Variants in IQCM observed in about 807,000 individuals in gnomAD.
IQCM encodes the protein IQ domain-containing protein M.
A neutral mutation model predicts 57.6 loss-of-function variants in IQCM; 45 were observed. That is an observed-to-expected ratio of 0.78 (90% CI 0.62 to 1.00). The LOEUF is 1.00. Among genes scored for constraint, IQCM ranks in the 50% least tolerant of loss-of-function variants. The probability of loss-of-function intolerance (pLI) is 0.00; values close to 1 mark genes in which losing one functional copy is unlikely to be tolerated. For missense variants in IQCM, 468 were observed against 511.6 expected (o/e 0.91, Z 0.82); for synonymous variants, 148 against 158.9 (o/e 0.93, Z 0.51).
intron 13 of IQCM, among the ~76,000 whole-genome samples, chr4:149,358,511 G>A (rs1164294038): frequency 4.6e-5 from 7 of 152,140 alleles, no homozygotes; most frequent in East Asian, 1.9e-4. Flanking sequence ...GTACACAGTA[G>A]TCATTCAGGA....
intron 2 of IQCM, among the ~76,000 whole-genome samples, chr4:149,767,695 T>C (rs1770187795): frequency 6.6e-6 from 1 of 152,114 alleles, no homozygotes; most frequent in Non-Finnish European, 1.5e-5. Context: ...AGTTTCAGTA[T>C]GGTAACTGCA....
In IQCM at chr4:149,733,351, A is replaced by G; in HGVS notation, c.278T>C (p.Leu93Pro). 8.1e-7 allele frequency: 1 copy of G among 1,231,720 alleles called. No homozygotes were observed. Among genetic ancestry groups the G allele is most frequent in the Non-Finnish European group, 1.0e-6 (1 of 987,756 alleles). The allele number at this position is 1,231,720 out of a possible 1,614,324, so 76.3% of individuals were successfully genotyped here. A position where few individuals can be genotyped will look rare whatever the true frequency, so the allele number is the denominator to read the frequency against. ...TTCCTGAAGATGCTCGCTTTTGGAA[A>G]GCTCCTTGGGAAAGCAAATCCTTCT... ...ALRRICFPKELSKSEHLQEPP... is the reference protein window; with the variant it reads ...ALRRICFPKEPSKSEHLQEPP... The change falls in exon 5 of 14, where the codon CTT becomes CCT. Residue 93 changes from leucine to proline, a missense_variant. Transcript: ENST00000636793.
At chr4:149,509,796 A>G (rs765983253) in intron 12 of IQCM, among the ~76,000 whole-genome samples, 6 of 152,046 alleles carry the variant, frequency 3.9e-5, no homozygotes, top group Non-Finnish European at 1.5e-5. Context: ...ATTTGGTAAA[A>G]TACTCTGGAA....
At position 149,405,828 on chromosome 4, in the gene IQCM, C is replaced by CATATAT. The variant is rs55914421; in HGVS notation, c.1390+27562_1390+27567dup. Among the ~76,000 whole-genome samples, 339 of 135,384 alleles carry CATATAT rather than the reference C, an allele frequency of 2.5e-3. 1 individual carries two copies. Among genetic ancestry groups the CATATAT allele is most frequent in the East Asian group, 7.2e-3 (33 of 4,606 alleles). 88.8% of individuals were successfully genotyped at this position (135,384 alleles called of 152,430 possible). ...TTTTAAATTTTCACCTCCTAAGGAG[C>CATATAT]ATATATATATATATATATATATGCT... On this transcript the variant is annotated intron_variant, in intron 13 of 13. Coordinates refer to ENST00000636793, the MANE Select transcript of IQCM (RefSeq NM_001363507.2).
At chr4:149,449,139 A>C (rs1046105225) in intron 12 of IQCM, among the ~76,000 whole-genome samples, 1 of 150,748 alleles carries the variant, frequency 6.6e-6, no homozygotes, top group Non-Finnish European at 1.5e-5. Flanking sequence ...AGGTAGAGAA[A>C]GTTGGTGCAA....
chr4:149,375,171 A>G (rs1730627954), intron 13 of IQCM, among the ~76,000 whole-genome samples: 1 of 152,182 alleles, frequency 6.6e-6, no homozygotes, highest in Non-Finnish European at 1.5e-5. Context: ...AATACCATAC[A>G]TATTTATATG....
At chr4:149,551,553 G>A (rs1391432959) in intron 11 of IQCM, among the ~76,000 whole-genome samples, 1 of 152,096 alleles carries the variant, frequency 6.6e-6, no homozygotes, top group Non-Finnish European at 1.5e-5. Context: ...AATAGTAGGA[G>A]CATTTTGGAA....
intron 7 of IQCM, among the ~76,000 whole-genome samples, chr4:149,657,599 C>T (rs891151105): frequency 4.6e-5 from 7 of 152,022 alleles, no homozygotes; most frequent in Non-Finnish European, 8.8e-5. Flanking sequence ...TTTCCATGAT[C>T]GCTTACTAAT....
At chr4:149,461,233 CAAAAAAAA>C (rs61429806) in intron 12 of IQCM, among the ~76,000 whole-genome samples, 3 of 71,944 alleles carry the variant, frequency 4.2e-5, no homozygotes, top group African/African-American at 6.1e-5. Flanking sequence ...AACTCCATCT[CAAAAAAAA>C]AAAAAAAAAA....
At chr4:149,545,251 A>T (rs1748273440) in intron 12 of IQCM, among the ~76,000 whole-genome samples, 2 of 152,182 alleles carry the variant, frequency 1.3e-5, no homozygotes, top group African/African-American at 2.4e-5. Flanking sequence ...GAGGAAACAC[A>T]ATCAACAAAA....
intron 8 of IQCM, among the ~76,000 whole-genome samples, chr4:149,592,178 T>C (rs976659379): frequency 6.6e-6 from 1 of 152,184 alleles, no homozygotes; most frequent in Non-Finnish European, 1.5e-5. Flanking sequence ...CTCATTGTGG[T>C]TTTGATATGC....
chr4:149,468,474 C>G (rs761460763), intron 12 of IQCM, among the ~76,000 whole-genome samples: 2 of 152,178 alleles, frequency 1.3e-5, no homozygotes, highest in African/African-American at 4.8e-5. Flanking sequence ...AAGGAAGCAG[C>G]CAGGAAGCTC....
At chr4:149,419,485 A>G (rs943102371) in intron 13 of IQCM, among the ~76,000 whole-genome samples, 5 of 152,174 alleles carry the variant, frequency 3.3e-5, no homozygotes, top group African/African-American at 1.2e-4. Context: ...TTATACAAAA[A>G]TTAACTCAAG....
At chr4:149,584,317 A>G (rs549325723) in intron 9 of IQCM, among the ~76,000 whole-genome samples, 1 of 151,594 alleles carries the variant, frequency 6.6e-6, no homozygotes. Context: ...AAAATGTGTC[A>G]TTTAAATTAA....
intron 13 of IQCM, among the ~76,000 whole-genome samples, chr4:149,416,404 G>T (rs1256781657): frequency 6.6e-6 from 1 of 152,036 alleles, no homozygotes; most frequent in Non-Finnish European, 1.5e-5. Context: ...TAAATAAAAG[G>T]TTATTAGGTG....
intron 7 of IQCM, among the ~76,000 whole-genome samples, chr4:149,635,101 C>A (rs540726852): frequency 2.0e-5 from 3 of 152,124 alleles, no homozygotes; most frequent in African/African-American, 7.2e-5. Flanking sequence ...AATTAAACAT[C>A]TATTCATGAG....
chr4:149,591,474 T>G (rs1053820226), intron 8 of IQCM, among the ~76,000 whole-genome samples: 3 of 152,106 alleles, frequency 2.0e-5, no homozygotes, highest in Admixed American at 1.3e-4. Flanking sequence ...TTTAATACTT[T>G]AAGTTCTAGG....
intron 10 of IQCM, among the ~76,000 whole-genome samples, chr4:149,560,585 A>G (rs779582191): frequency 3.9e-5 from 6 of 152,194 alleles, no homozygotes; most frequent in Non-Finnish European, 8.8e-5. Context: ...AACAAACAGC[A>G]CAAAAATTTT....
chr4:149,505,877 G>C (rs1743761044), intron 12 of IQCM, among the ~76,000 whole-genome samples: 1 of 152,122 alleles, frequency 6.6e-6, no homozygotes, highest in South Asian at 2.1e-4. Context: ...AATTGACCCT[G>C]TACTCTGACA....
Sources: gnomAD v4.1 joint callset for allele counts (sites outside exome capture counted in the v4.1 genomes callset) on GRCh38, gnomAD v4.1.1 for gene constraint, MANE v1.5 for transcripts, NCBI Gene and HGNC (gene_info 2026-07-23, HGNC 2026-07-21) for gene names.